The following SPIDR variants were observed in gnomAD, a reference collection of about 807,000 sequenced individuals.
SPIDR encodes the protein scaffold protein involved in DNA repair, also known as DNA repair-scaffolding protein.
SPIDR carries 93 observed loss-of-function variants against 104.6 expected under a neutral mutation model. The observed-to-expected ratio is 0.89, with a 90% CI of 0.75 to 1.06. The LOEUF (loss-of-function observed/expected upper bound fraction) is 1.06. Among genes scored for constraint, SPIDR ranks in the 50% least tolerant of loss-of-function variants. The pLI, the probability that SPIDR is intolerant of heterozygous loss-of-function variation, is 0.00. For synonymous variants in SPIDR, 431 were observed against 416.9 expected (o/e 1.03, Z -0.41); for missense variants, 1,154 against 1,111.2 (o/e 1.04, Z -0.55).
intron 5 of SPIDR, among the ~76,000 whole-genome samples, chr8:47,365,454 A>G (rs537287777): frequency 3.3e-4 from 51 of 152,328 alleles, no homozygotes; most frequent in Non-Finnish European, 6.5e-4. Flanking sequence ...TTTCCGAGCA[A>G]CATGGGAAGG....
chr8:47,659,464 TAAAC>T (rs1488250249), intron 10 of SPIDR, among the ~76,000 whole-genome samples: 7 of 152,244 alleles, frequency 4.6e-5, no homozygotes, highest in African/African-American at 1.4e-4. Context: ...GTTAAAAAGA[TAAAC>T]AACAGGATTA....
chr8:47,508,413 G>C lies in SPIDR; in HGVS notation c.1097+67871G>C, dbSNP rs187422449. ...TTAACTGGAGTTTCTCCTTGATAAA[G>C]TTTGGTATAATCCACTGTCATTCTC... is the stretch of plus-strand genomic sequence containing the variant. On this transcript the variant is annotated intron_variant, in intron 8 of 19. Coordinates refer to ENST00000297423, the MANE Select transcript of SPIDR (RefSeq NM_001080394.4). Among the ~76,000 whole-genome samples, 563 of 152,242 alleles carry C rather than the reference G, an allele frequency of 3.7e-3. 5 individuals are homozygous for C. Among genetic ancestry groups the C allele is most frequent in the Admixed American group, 9.2e-3 (141 of 15,292 alleles).
intron 8 of SPIDR, among the ~76,000 whole-genome samples, chr8:47,488,711 A>G (rs1264296588): frequency 6.6e-6 from 1 of 152,210 alleles, no homozygotes; most frequent in Non-Finnish European, 1.5e-5. Context: ...GCAAATCAAT[A>G]AATGTAATCC....
chr8:47,436,121 C>T (rs1028309674), intron 7 of SPIDR, among the ~76,000 whole-genome samples: 11 of 152,234 alleles, frequency 7.2e-5, no homozygotes, highest in South Asian at 6.2e-4. Context: ...CCAGGCACTT[C>T]GTGGTACATT....
At chr8:47,455,714 T>C (rs1488216152) in intron 8 of SPIDR, among the ~76,000 whole-genome samples, 2 of 152,128 alleles carry the variant, frequency 1.3e-5, no homozygotes, top group Non-Finnish European at 2.9e-5. Flanking sequence ...TATATTATTA[T>C]CAGACAAAAT....
intron 8 of SPIDR, among the ~76,000 whole-genome samples, chr8:47,461,219 C>T (rs1554713302): frequency 2.0e-5 from 3 of 152,178 alleles, no homozygotes; most frequent in African/African-American, 7.2e-5. Flanking sequence ...AAGTTTTTCT[C>T]AATTATTTCC....
At chr8:47,427,946 C>T (rs1182947798) in intron 7 of SPIDR, among the ~76,000 whole-genome samples, 1 of 152,116 alleles carries the variant, frequency 6.6e-6, no homozygotes, top group Non-Finnish European at 1.5e-5. Context: ...TTTTGAGACA[C>T]AGTCTCACTC....
intron 5 of SPIDR, chr8:47,294,578 C>T (rs1355428076): frequency 2.0e-5 from 3 of 152,768 alleles, no homozygotes; most frequent in African/African-American, 7.2e-5. Flanking sequence ...CAGGACTTAG[C>T]ATATAGTCGT....
intron 5 of SPIDR, among the ~76,000 whole-genome samples, chr8:47,303,540 G>A (rs964861676): frequency 6.6e-6 from 1 of 152,166 alleles, no homozygotes. Flanking sequence ...CGTCACTCAC[G>A]CTGGGAGCTG....
At chr8:47,685,497 A>ATTTTTTT (rs1383864694) in intron 11 of SPIDR, among the ~76,000 whole-genome samples, 21 of 113,194 alleles carry the variant, frequency 1.9e-4, no homozygotes, top group South Asian at 2.5e-4. Context: ...TTATTTATTT[A>ATTTTTTT]TTTATTTATT....
chr8:47,593,133 G>A (rs111599186), intron 8 of SPIDR, among the ~76,000 whole-genome samples: 2,758 of 152,166 alleles, frequency 0.018, 85 homozygotes, highest in African/African-American at 0.064. Context: ...GTGATCGCCC[G>A]CCTCGGCCTC....
Position 47,322,903 on chromosome 8 carries a change from A to G in SPIDR, c.525+28873A>G, listed in dbSNP as rs372988579. 3.3e-5 allele frequency among the ~76,000 whole-genome samples: 5 copies of G among 152,044 alleles called. No homozygotes were observed. The East Asian group carries it at 9.7e-4, about 29-fold the overall frequency. ...AATTGAAAAGTGAGAACACGGGGGC[A>G]CAAGAAGGGGAACATCATACGCCGG... On this transcript the variant is annotated intron_variant, in intron 5 of 19. Transcript: ENST00000297423.
At chr8:47,660,863 A>G (rs902529406) in intron 10 of SPIDR, 4 of 729,224 alleles carry the variant, frequency 5.5e-6, no homozygotes, top group Non-Finnish European at 6.7e-6. Flanking sequence ...ATGAGAGGGA[A>G]CCCTATTTTC....
At chr8:47,647,785 C>A (rs2070814535) in intron 10 of SPIDR, among the ~76,000 whole-genome samples, 1 of 152,142 alleles carries the variant, frequency 6.6e-6, no homozygotes, top group Non-Finnish European at 1.5e-5. Context: ...AGGAAAGTCT[C>A]ACTGACAAGT....
intron 5 of SPIDR, among the ~76,000 whole-genome samples, chr8:47,316,495 A>G (rs982598499): frequency 3.9e-5 from 6 of 152,350 alleles, no homozygotes; most frequent in Middle Eastern, 3.4e-3. Context: ...ACAAATAGGT[A>G]TAGTCATAAA....
At chr8:47,599,325 T>C in intron 10 of SPIDR, 129 bp downstream of exon 10, 1 of 1,280,138 alleles carries the variant, frequency 7.8e-7, no homozygotes, top group African/African-American at 1.5e-5. Context: ...GTTTTTGTTT[T>C]TCCTTGCATC....
At chr8:47,298,481 G>C (rs1237259299) in intron 5 of SPIDR, among the ~76,000 whole-genome samples, 1 of 152,096 alleles carries the variant, frequency 6.6e-6, no homozygotes, top group Admixed American at 6.5e-5. Flanking sequence ...GTCAATTTTG[G>C]CTTTTGTTGC....
chr8:47,578,290 G>A (rs1028594268), intron 8 of SPIDR, among the ~76,000 whole-genome samples: 1 of 152,092 alleles, frequency 6.6e-6, no homozygotes, highest in Non-Finnish European at 1.5e-5. Flanking sequence ...GGCTAACACG[G>A]TGAAACCCTG....
chr8:47,434,674 A>G (rs2067960285), intron 7 of SPIDR, among the ~76,000 whole-genome samples: 1 of 151,970 alleles, frequency 6.6e-6, no homozygotes, highest in Non-Finnish European at 1.5e-5. Flanking sequence ...AACTTGCTTC[A>G]CGGAGAATAA....
Sources: allele counts gnomAD v4.1 joint callset (sites outside exome capture counted in the v4.1 genomes callset), GRCh38; gene constraint gnomAD v4.1.1; transcripts MANE v1.5; gene names NCBI Gene and HGNC (gene_info 2026-07-23, HGNC 2026-07-21).